Variants in IL6R observed in about 807,000 individuals in gnomAD.
The protein encoded by IL6R is interleukin-6 receptor subunit alpha.
In IL6R, 38 loss-of-function variants were observed where a neutral mutation model predicts 48.3. The observed-to-expected ratio is 0.79, with a 90% CI of 0.61 to 1.03. The LOEUF (loss-of-function observed/expected upper bound fraction) is 1.03, where lower values mean the gene tolerates loss of function less well. Ranked by LOEUF, IL6R falls within the 50% of genes least tolerant of loss-of-function variation. The pLI is 0.00. For synonymous variants in IL6R, 264 were observed against 256.2 expected (o/e 1.03, Z -0.29); for missense variants, 534 against 618.3 (o/e 0.86, Z 1.45).
intron 2 of IL6R, among the ~76,000 whole-genome samples, chr1:154,429,911 A>G (rs1309670792): frequency 1.3e-5 from 2 of 152,044 alleles, no homozygotes; most frequent in East Asian, 3.9e-4. Flanking sequence ...TAAGCTCTCA[A>G]ATTAGCTATT....
At chr1:154,429,576 C>G in intron 2 of IL6R, 132 bp downstream of exon 2, 1 of 1,035,682 alleles carries the variant, frequency 9.7e-7, no homozygotes, top group Non-Finnish European at 1.4e-6. Context: ...GAAGGCCCAC[C>G]AATGTCTGCC....
intron 1 of IL6R, among the ~76,000 whole-genome samples, chr1:154,419,858 A>C (rs1038779156): frequency 6.6e-6 from 1 of 152,224 alleles, no homozygotes. Flanking sequence ...AAAAACAACA[A>C]AGCTGTTTGG....
chr1:154,454,004 C>T (rs1047437188), intron 8 of IL6R: 6 of 166,780 alleles, frequency 3.6e-5, no homozygotes, highest in Middle Eastern at 6.2e-3. Context: ...AGATGACACC[C>T]CCATGGAGAA....
rs566249476 is a variant in IL6R at position 154,445,871 on chromosome 1, T to C, written c.950-2254T>C. 2.0e-5 allele frequency among the ~76,000 whole-genome samples: 3 copies of C among 152,118 alleles called. No homozygotes were observed. The South Asian group carries it at 6.2e-4, about 32-fold the overall frequency. The stretch of plus-strand genomic sequence containing the variant: ...GGCGGGGTTTGGAAAACTGCTGAAC[T>C]GCACGAGCATCCATGGGCAGCCATA... On this transcript the variant is annotated intron_variant, in intron 6 of 9. Coordinates refer to ENST00000368485, the MANE Select transcript of IL6R (RefSeq NM_000565.4).
At position 154,434,508 on chromosome 1, in the gene IL6R, G is replaced by GTGTCTAACAGTCAGAAC. The variant is rs1689493033; in HGVS notation, c.459-10_465dup. On this transcript the variant is annotated splice_polypyrimidine_tract_variant and intron_variant, in intron 3 of 9. Coordinates refer to ENST00000368485, the MANE Select transcript of IL6R (RefSeq NM_000565.4). Reference sequence around the variant, plus strand: ...GACAGGCAAGCCCTGCCCTTGTTTTGTGTCTAACAGTCAGAACAGTCCGGC... The same window carrying GTGTCTAACAGTCAGAAC: ...GACAGGCAAGCCCTGCCCTTGTTTTGTGTCTAACAGTCAGAACTGTCTAACAGTCAGAACAGTCCGGC... 2 of 1,609,532 alleles carry GTGTCTAACAGTCAGAAC rather than the reference G, an allele frequency of 1.2e-6. No individual in the cohort carries two copies. The highest frequency in any genetic ancestry group is 1.7e-5 in the Admixed American group (1 of 59,252).
At chr1:154,417,008 C>T (rs1260908329) in intron 1 of IL6R, among the ~76,000 whole-genome samples, 1 of 152,126 alleles carries the variant, frequency 6.6e-6, no homozygotes, top group Non-Finnish European at 1.5e-5. Context: ...TTTGCTGCCT[C>T]ATAGCTAAGG....
At chr1:154,454,280 A>G (rs1331746242) in intron 8 of IL6R, 1 of 555,476 alleles carries the variant, frequency 1.8e-6, no homozygotes, top group East Asian at 3.0e-5. Flanking sequence ...TTGTTAAGAA[A>G]CAAACAAACA....
At chr1:154,451,245 C>T (rs181688445) in intron 8 of IL6R, among the ~76,000 whole-genome samples, 12 of 152,304 alleles carry the variant, frequency 7.9e-5, no homozygotes, top group East Asian at 7.7e-4. Context: ...GGGCCGGGCG[C>T]GGTGGCTTAC....
chr1:154,448,875 CTTTTTTTTTTTTTTTT>C (rs757221328), intron 7 of IL6R, among the ~76,000 whole-genome samples: 8 of 73,330 alleles, frequency 1.1e-4, no homozygotes, highest in African/African-American at 3.1e-4. Flanking sequence ...CTTGTAAGGG[CTTTTTTTTTTTTTTTT>C]TTTTTTTTTT....
rs1162899299 is a variant in IL6R at position 154,468,087 on chromosome 1, T to C, written c.*2707T>C. The C allele has an allele frequency of 6.6e-6, 1 of 152,202 alleles. No homozygotes were observed. The highest frequency in any genetic ancestry group is 1.5e-5 in the Non-Finnish European group (1 of 68,042). The allele number at this position is 152,202 out of a possible 1,614,324, so 9.4% of individuals were successfully genotyped here. A position where few individuals can be genotyped will look rare whatever the true frequency, so the allele number is the denominator to read the frequency against. ...GCTTTGTTTTGTTTTTTTGTTTTTG[T>C]ATTGAAGAGGGTTGTTTTCCCTTTA... On this transcript the variant is annotated 3_prime_UTR_variant, in exon 10 of 10. Transcript: ENST00000368485.
At chr1:154,459,802 T>C (rs1247536342) in intron 9 of IL6R, among the ~76,000 whole-genome samples, 1 of 152,224 alleles carries the variant, frequency 6.6e-6, no homozygotes, top group Non-Finnish European at 1.5e-5. Context: ...AGAATTCTCC[T>C]AGTAGAGAAT....
At chr1:154,460,838 G>A (rs533276542) in intron 9 of IL6R, among the ~76,000 whole-genome samples, 6 of 152,148 alleles carry the variant, frequency 3.9e-5, no homozygotes, top group Non-Finnish European at 8.8e-5. Flanking sequence ...TGTTCTCCCC[G>A]TGTGTGGAGA....
In IL6R at chr1:154,433,925, C is replaced by T. The variant is rs914548791; in HGVS notation, c.459-594C>T. Reference sequence around the variant, plus strand: ...TGTATTTTTAGTAGAGACAGGGTTTCACCATATTGGCTAGGCTGGTCTCGA... The same window carrying T: ...TGTATTTTTAGTAGAGACAGGGTTTTACCATATTGGCTAGGCTGGTCTCGA... On this transcript the variant is annotated intron_variant, in intron 3 of 9. Coordinates refer to ENST00000368485, the MANE Select transcript of IL6R (RefSeq NM_000565.4). Among the ~76,000 whole-genome samples, 275 of 151,606 alleles carry T rather than the reference C, an allele frequency of 1.8e-3. 4 individuals are homozygous for T. Among genetic ancestry groups the T allele is most frequent in the Non-Finnish European group, 3.8e-4 (26 of 67,894 alleles).
At position 154,419,784 on chromosome 1, in the gene IL6R, C is replaced by T. The variant is rs190489744; in HGVS notation, c.86-9412C>T. Among the ~76,000 whole-genome samples the T allele has an allele frequency of 2.8e-4, 43 of 152,306 alleles. No homozygotes were observed. In the East Asian group the frequency reaches 5.6e-3, roughly 20 times the overall value. On this transcript the variant is annotated intron_variant, in intron 1 of 9. Transcript: ENST00000368485. ...AAGAGAGTTGAGAAATATGTGTCTC[C>T]GTGTGCGTGTTTTTCTCTGGTTATT...
chr1:154,440,316 C>T (rs541312749), intron 6 of IL6R, among the ~76,000 whole-genome samples: 1 of 152,322 alleles, frequency 6.6e-6, no homozygotes, highest in Admixed American at 6.5e-5. Context: ...TCAGGGGACA[C>T]TGGGTTTGCT....
intron 1 of IL6R, among the ~76,000 whole-genome samples, chr1:154,408,887 G>A (rs1017581663): frequency 6.6e-6 from 1 of 152,230 alleles, no homozygotes. Context: ...ACTCACGCCT[G>A]TAATCCCAGT....
In IL6R at chr1:154,436,042, C is replaced by T. The variant is rs761731195; in HGVS notation, c.881C>T (p.Ala294Val). ...SGLRHVVQLR[A>V]QEEFGQGEWS... Reference sequence around the variant, plus strand: ...CTGAGGCACGTGGTGCAGCTTCGTGCCCAGGAGGAGTTCGGGCAAGGCGAG... The same window carrying T: ...CTGAGGCACGTGGTGCAGCTTCGTGTCCAGGAGGAGTTCGGGCAAGGCGAG... Residue 294 changes from alanine to valine, a missense_variant, in exon 6 of 10, where the codon GCC becomes GTC. By Grantham distance (64) the Ala-to-Val change is moderately conservative. Transcript: ENST00000368485. 6.2e-7 allele frequency: 1 copy of T among 1,613,162 alleles called. No homozygotes were observed.
At chr1:154,437,407 T>C in intron 6 of IL6R, 1 of 372,898 alleles carries the variant, frequency 2.7e-6, no homozygotes, top group Non-Finnish European at 5.6e-6. Flanking sequence ...GGAAATTTTT[T>C]TTAACTTAAA....
intron 9 of IL6R, 45 bp downstream of exon 9, chr1:154,454,626 C>T (rs1690771691): frequency 1.6e-6 from 2 of 1,277,820 alleles, no homozygotes; most frequent in Non-Finnish European, 2.3e-6. Context: ...TCTCATATTT[C>T]TTATCTAGCT....
Sources: allele counts gnomAD v4.1 joint callset (sites outside exome capture counted in the v4.1 genomes callset), GRCh38; gene constraint gnomAD v4.1.1; transcripts MANE v1.5; gene names NCBI Gene and HGNC (gene_info 2026-07-23, HGNC 2026-07-21).